Variants in GABBR2 observed in about 807,000 individuals in gnomAD.
GABBR2 encodes gamma-aminobutyric acid type B receptor subunit 2.
In GABBR2, 23 loss-of-function variants were observed where a neutral mutation model predicts 105.6. The ratio of observed to expected loss-of-function variants is 0.22; its 90% CI spans 0.16 to 0.31. The LOEUF (loss-of-function observed/expected upper bound fraction) is 0.31. Ranked by LOEUF, GABBR2 falls within the 10% of genes least tolerant of loss-of-function variation. The pLI, the probability that GABBR2 is intolerant of heterozygous loss-of-function variation, is 1.00. For synonymous variants in GABBR2, 478 were observed against 499.7 expected, an observed-to-expected ratio of 0.96 and a Z score of 0.58; for missense variants, 734 against 1,245.5, an observed-to-expected ratio of 0.59 and a Z score of 6.18.
chr9:98,630,547 C>T (rs1422610922), intron 1 of GABBR2, among the ~76,000 whole-genome samples: 2 of 152,152 alleles, frequency 1.3e-5, no homozygotes, highest in Non-Finnish European at 2.9e-5. Flanking sequence ...TTTTCACCTC[C>T]TTTCATGTGC....
chr9:98,551,757 G>A (rs1230569064), intron 2 of GABBR2, among the ~76,000 whole-genome samples: 1 of 152,198 alleles, frequency 6.6e-6, no homozygotes, highest in Non-Finnish European at 1.5e-5. Flanking sequence ...AGCTCATGCA[G>A]CTACGAGGCC....
At position 98,607,031 on chromosome 9, in the gene GABBR2, A is replaced by C. The variant is rs919180074; in HGVS notation, c.322-28959T>G. ...AGAAGACCCCTGAAGGCTATGTGGG[A>C]TTTGCCAATCTCCCAAACCAAGTAT... On this transcript the variant is annotated intron_variant, in intron 1 of 18. Coordinates refer to ENST00000259455, the MANE Select transcript of GABBR2 (RefSeq NM_005458.8). The C allele has an allele frequency of 4.2e-6, 5 of 1,192,950 alleles. No individual in the cohort carries two copies. In the African/African-American group the frequency reaches 7.5e-5, roughly 18 times the overall value. The allele number at this position is 1,192,950 out of a possible 1,614,324, so 73.9% of individuals were successfully genotyped here. A position where few individuals can be genotyped will look rare whatever the true frequency, so the allele number is the denominator to read the frequency against.
intron 12 of GABBR2, among the ~76,000 whole-genome samples, chr9:98,365,188 G>C (rs1831654932): frequency 6.6e-6 from 1 of 152,122 alleles, no homozygotes; most frequent in African/African-American, 2.4e-5. Context: ...ACTTTGCTAG[G>C]ACTCAGTTTC....
chr9:98,419,360 C>A (rs997537338), intron 7 of GABBR2, among the ~76,000 whole-genome samples: 2 of 152,114 alleles, frequency 1.3e-5, no homozygotes, highest in South Asian at 4.1e-4. Flanking sequence ...TAAAGCTGGG[C>A]CCAGAATTCC....
chr9:98,416,123 T>C (rs1365602324), intron 7 of GABBR2, among the ~76,000 whole-genome samples: 9 of 152,202 alleles, frequency 5.9e-5, no homozygotes, highest in Non-Finnish European at 1.3e-4. Context: ...ATGGTAGATT[T>C]CAAGCTATCA....
At chr9:98,377,379 T>C (rs1303299150) in intron 11 of GABBR2, among the ~76,000 whole-genome samples, 1 of 152,264 alleles carries the variant, frequency 6.6e-6, no homozygotes, top group Admixed American at 6.5e-5. Flanking sequence ...TGGGCAAGTA[T>C]GGTGTATCAT....
intron 3 of GABBR2, among the ~76,000 whole-genome samples, chr9:98,503,738 TG>T (rs1827449668): frequency 6.6e-6 from 1 of 152,122 alleles, no homozygotes; most frequent in Admixed American, 6.5e-5. Context: ...GCAACTTAAC[TG>T]GGGGTTTCTG....
chr9:98,603,212 G>A (rs1053454812), intron 1 of GABBR2, among the ~76,000 whole-genome samples: 2 of 152,152 alleles, frequency 1.3e-5, no homozygotes, highest in Non-Finnish European at 2.9e-5. Flanking sequence ...GGCATTCCCT[G>A]TTTCAGAAAG....
chr9:98,353,629 A>G (rs952697109), intron 13 of GABBR2, among the ~76,000 whole-genome samples: 1 of 152,220 alleles, frequency 6.6e-6, no homozygotes, highest in Non-Finnish European at 1.5e-5. Flanking sequence ...TGCAGAATGG[A>G]TATTGTGTTA....
intron 7 of GABBR2, among the ~76,000 whole-genome samples, chr9:98,431,204 G>A (rs1825803711): frequency 6.6e-6 from 1 of 151,714 alleles, no homozygotes; most frequent in Non-Finnish European, 1.5e-5. Context: ...CTCTCTTCTC[G>A]CCATCCACTG....
chr9:98,347,278 G>T (rs375897118), intron 13 of GABBR2, among the ~76,000 whole-genome samples: 1 of 152,054 alleles, frequency 6.6e-6, no homozygotes, highest in East Asian at 1.9e-4. Context: ...CATTCTAACC[G>T]GGGTGAGATG....
chr9:98,503,456 G>A (rs1478262307), intron 3 of GABBR2, among the ~76,000 whole-genome samples: 1 of 152,094 alleles, frequency 6.6e-6, no homozygotes, highest in Non-Finnish European at 1.5e-5. Flanking sequence ...TGAGACAGTT[G>A]CTCAGGCTTC....
chr9:98,290,266 T>TG lies in GABBR2; in HGVS notation c.*317_*318insC, dbSNP rs1830275609. 1 of 149,170 alleles carries TG rather than the reference T, an allele frequency of 6.7e-6. No homozygotes were observed. The highest frequency in any genetic ancestry group is 3.8e-5 in the African/African-American group (1 of 26,146). The allele number at this position is 149,170 out of a possible 1,614,324, so 9.2% of individuals were successfully genotyped here. Reference sequence around the variant, plus strand: ...AGTGCCTCTCTCCTTGTCTAGTTTTTTTGTTTTTTTTTTTTTTTTTTTTTT... The same window carrying TG: ...AGTGCCTCTCTCCTTGTCTAGTTTTTGTTGTTTTTTTTTTTTTTTTTTTTTT... On this transcript the variant is annotated 3_prime_UTR_variant, in exon 19 of 19. Transcript: ENST00000259455.
chr9:98,425,017 A>G (rs1832849229), intron 7 of GABBR2, among the ~76,000 whole-genome samples: 1 of 152,132 alleles, frequency 6.6e-6, no homozygotes, highest in South Asian at 2.1e-4. Flanking sequence ...AAGAGCCCGC[A>G]TCGCCAAGTC....
chr9:98,313,960 C>A (rs1830676452), intron 13 of GABBR2, among the ~76,000 whole-genome samples: 1 of 152,112 alleles, frequency 6.6e-6, no homozygotes, highest in South Asian at 2.1e-4. Context: ...GGGGTTCAGG[C>A]CATTTTTTGA....
intron 1 of GABBR2, among the ~76,000 whole-genome samples, chr9:98,641,129 G>GTTTTT (rs34931575): frequency 8.0e-6 from 1 of 125,238 alleles, no homozygotes; most frequent in Non-Finnish European, 1.8e-5. Context: ...CTGTGGTTTG[G>GTTTTT]TTTTTTTTTT....
At chr9:98,297,736 A>T (rs1467273170) in intron 17 of GABBR2, among the ~76,000 whole-genome samples, 1 of 151,812 alleles carries the variant, frequency 6.6e-6, no homozygotes, top group African/African-American at 2.4e-5. Flanking sequence ...AAAAAAGGTA[A>T]TGTGGCCAGG....
Position 98,498,907 on chromosome 9 carries a change from A to G in GABBR2, c.631-2393T>C, listed in dbSNP as rs559183983. The stretch of plus-strand genomic sequence containing the variant: ...ATTATTAAACAGGGAAAACATGCAC[A>G]TGTGGCCCTCCTGGGAGGAGCTCAA... On this transcript the variant is annotated intron_variant, in intron 3 of 18. Coordinates refer to ENST00000259455, the MANE Select transcript of GABBR2 (RefSeq NM_005458.8). 9.2e-5 allele frequency among the ~76,000 whole-genome samples: 14 copies of G among 152,380 alleles called. No homozygotes were observed. The East Asian group carries it at 1.2e-3, about 13-fold the overall frequency.
At chr9:98,445,626 G>T (rs560318250) in intron 7 of GABBR2, among the ~76,000 whole-genome samples, 8 of 152,200 alleles carry the variant, frequency 5.3e-5, no homozygotes, top group Non-Finnish European at 1.2e-4. Context: ...AGCCTGTTCT[G>T]GTTGGAAGCC....
Sources: gnomAD v4.1 joint callset for allele counts (sites outside exome capture counted in the v4.1 genomes callset) on GRCh38, gnomAD v4.1.1 for gene constraint, MANE v1.5 for transcripts, NCBI Gene and HGNC (gene_info 2026-07-23, HGNC 2026-07-21) for gene names.